MSI2: variants seen among roughly 807,000 people sequenced by gnomAD.
MSI2 encodes RNA-binding protein Musashi homolog 2.
In MSI2, 17 loss-of-function variants were observed where a neutral mutation model predicts 45.6. That is an observed-to-expected ratio of 0.37 (90% confidence interval 0.26 to 0.56). The LOEUF (loss-of-function observed/expected upper bound fraction) is 0.56, where lower values mean the gene tolerates loss of function less well. MSI2 is among the 20% of genes least tolerant of loss of function. MSI2 has a pLI of 0.77. For missense variants in MSI2, 293 were observed against 444.2 expected (o/e 0.66, Z 3.06); for synonymous variants, 156 against 158.2 (o/e 0.99, Z 0.11).
Position 57,280,528 on chromosome 17 carries a change from A to G in MSI2, c.312+18336A>G, listed in dbSNP as rs76572036. ...GTAGCAAGTGTTAAAGGTGAGAGGC[A>G]AATTTGACTTCTCATTGATGTGAGC... On this transcript the variant is annotated intron_variant, in intron 5 of 13. Transcript: ENST00000284073. This position sits in a 1 kb window ranked among gnomAD's most constrained non-coding sequence, Gnocchi z 4.2. 0.016 allele frequency among the ~76,000 whole-genome samples: 2,488 copies of G among 152,180 alleles called. 79 individuals carry two copies. Among genetic ancestry groups the G allele is most frequent in the African/African-American group, 0.057 (2,365 of 41,500 alleles).
chr17:57,655,412 G>C (rs908383372), intron 11 of MSI2, among the ~76,000 whole-genome samples: 1 of 152,166 alleles, frequency 6.6e-6, no homozygotes, highest in African/African-American at 2.4e-5. Flanking sequence ...TGGATATTCA[G>C]GGTATTTTAG....
chr17:57,553,316 T>A (rs2087350722), intron 7 of MSI2, among the ~76,000 whole-genome samples: 2 of 152,216 alleles, frequency 1.3e-5, no homozygotes, highest in South Asian at 4.1e-4. Flanking sequence ...GCAGAATGAA[T>A]GTATCATCTT....
At chr17:57,315,413 G>A (rs1482907179) in intron 5 of MSI2, among the ~76,000 whole-genome samples, 1 of 152,104 alleles carries the variant, frequency 6.6e-6, no homozygotes, top group Non-Finnish European at 1.5e-5. Flanking sequence ...GCGTTTCTTG[G>A]GGGCTTGGGG....
chr17:57,612,916 G>A (rs773790964), intron 8 of MSI2, among the ~76,000 whole-genome samples: 6 of 152,156 alleles, frequency 3.9e-5, no homozygotes, highest in Non-Finnish European at 8.8e-5. Context: ...CTGCCTGTGC[G>A]AGACACGCCC....
chr17:57,482,867 C>A lies in MSI2; in HGVS notation c.406-46809C>A, dbSNP rs181699498. Among the ~76,000 whole-genome samples, 7 of 152,318 alleles carry A rather than the reference C, an allele frequency of 4.6e-5. No individual in the cohort carries two copies. The East Asian group carries it at 1.2e-3, about 25-fold the overall frequency. ...TGAGACTATTAAGAATTTAGCAGTT[C>A]ATTCTGACAGCTTGATAGATGGAGT... On this transcript the variant is annotated intron_variant, in intron 6 of 13. Coordinates refer to ENST00000284073, the MANE Select transcript of MSI2 (RefSeq NM_138962.4).
At chr17:57,543,411 C>T (rs1028928862) in intron 7 of MSI2, among the ~76,000 whole-genome samples, 11 of 152,206 alleles carry the variant, frequency 7.2e-5, no homozygotes, top group Non-Finnish European at 1.5e-4. Flanking sequence ...TGCCTGGTTG[C>T]AGCCCTGGAA....
chr17:57,287,082 A>G (rs1909963108), intron 5 of MSI2, among the ~76,000 whole-genome samples: 1 of 151,744 alleles, frequency 6.6e-6, no homozygotes, highest in Non-Finnish European at 1.5e-5. Context: ...CTTTTGCTCC[A>G]TATTTATCAT....
At chr17:57,259,037 G>T (rs1426050984) in intron 4 of MSI2, among the ~76,000 whole-genome samples, 1 of 152,072 alleles carries the variant, frequency 6.6e-6, no homozygotes. Context: ...CAGAGTAGAA[G>T]GGGGAAGAGT....
intron 5 of MSI2, among the ~76,000 whole-genome samples, chr17:57,387,259 A>G (rs2058656995): frequency 6.6e-6 from 1 of 152,218 alleles, no homozygotes; most frequent in African/African-American, 2.4e-5. Context: ...AACACTACAC[A>G]TTTAGTAAAG....
intron 6 of MSI2, among the ~76,000 whole-genome samples, chr17:57,471,561 A>C (rs2143689161): frequency 6.6e-6 from 1 of 152,226 alleles, no homozygotes. Flanking sequence ...TGTTGATCAT[A>C]AATGCCTTAA....
intron 5 of MSI2, among the ~76,000 whole-genome samples, chr17:57,343,510 G>A (rs1039825533): frequency 6.6e-6 from 1 of 151,900 alleles, no homozygotes; most frequent in African/African-American, 2.4e-5. Flanking sequence ...ATAATTGTAC[G>A]CATTGTGACC....
At chr17:57,582,090 A>G (rs117859447) in intron 7 of MSI2, among the ~76,000 whole-genome samples, 16 of 152,256 alleles carry the variant, frequency 1.1e-4, no homozygotes, top group Admixed American at 2.0e-4. Context: ...TGAATTTCTC[A>G]TGCAAAGATC....
At chr17:57,279,739 G>A (rs1005277020) in intron 5 of MSI2, 5 of 152,070 alleles carry the variant, frequency 3.3e-5, no homozygotes, top group African/African-American at 1.2e-4. Flanking sequence ...TGAATTCCTG[G>A]GCTCAAGCGG....
intron 10 of MSI2, among the ~76,000 whole-genome samples, chr17:57,639,727 G>A (rs1910108613): frequency 6.6e-6 from 1 of 150,556 alleles, no homozygotes; most frequent in Admixed American, 6.6e-5. Flanking sequence ...GCAGGGAAAG[G>A]TGTGAGGCCA....
chr17:57,676,936 T>C, intron 12 of MSI2, 51 bp from the exon 13 acceptor site: 1 of 1,144,354 alleles, frequency 8.7e-7, no homozygotes, highest in Non-Finnish European at 1.3e-6. Flanking sequence ...AATATGACAA[T>C]CTGTTCCCAT....
rs71143203 is a variant in MSI2, at chr17:57,526,356, GGTGTGTGTGTGTGTGTGTGTGT to G, written c.406-3288_406-3267del. Among the ~76,000 whole-genome samples, 450 of 122,616 alleles carry G rather than the reference GGTGTGTGTGTGTGTGTGTGTGT, an allele frequency of 3.7e-3. 2 individuals carry two copies. The highest frequency in any genetic ancestry group is 6.2e-3 in the African/African-American group (193 of 31,376). The allele number at this position is 122,616 out of a possible 152,430, so 80.4% of individuals were successfully genotyped here. ...TCTTCATAGCCCCCTGATATACCTG[GGTGTGTGTGTGTGTGTGTGTGT>G]GTGTGTGTGTGTGTGTGTGTGTGTG... On this transcript the variant is annotated intron_variant, in intron 6 of 13. Coordinates refer to ENST00000284073, the MANE Select transcript of MSI2 (RefSeq NM_138962.4).
intron 10 of MSI2, among the ~76,000 whole-genome samples, chr17:57,646,447 T>A (rs1048314036): frequency 6.6e-6 from 1 of 152,202 alleles, no homozygotes; most frequent in Non-Finnish European, 1.5e-5. Flanking sequence ...ACCCCAGAGC[T>A]GTGTTAGCAC....
intron 5 of MSI2, among the ~76,000 whole-genome samples, chr17:57,281,830 C>T (rs1909450201): frequency 6.6e-6 from 1 of 152,136 alleles, no homozygotes; most frequent in Non-Finnish European, 1.5e-5. Flanking sequence ...AGTGACAGTC[C>T]TGCTCCGTGG....
chr17:57,503,890 G>A (rs548731222), intron 6 of MSI2, among the ~76,000 whole-genome samples: 8 of 152,286 alleles, frequency 5.3e-5, no homozygotes, highest in Non-Finnish European at 7.4e-5. Context: ...GACTACAGGC[G>A]TGCACCACGA....
Sources: allele counts gnomAD v4.1 joint callset (sites outside exome capture counted in the v4.1 genomes callset), GRCh38; gene constraint gnomAD v4.1.1; non-coding constraint Gnocchi (gnomAD v3.1); transcripts MANE v1.5; gene names NCBI Gene and HGNC (gene_info 2026-07-23, HGNC 2026-07-21).